The following STK32B variants were observed in gnomAD, a reference collection of about 807,000 sequenced individuals.
STK32B encodes serine/threonine-protein kinase 32B.
STK32B carries 43 observed loss-of-function variants against 52.6 expected under a neutral mutation model. The ratio of observed to expected loss-of-function variants is 0.82; its 90% confidence interval spans 0.64 to 1.05. STK32B has a LOEUF of 1.05. Ranked by LOEUF, STK32B falls within the 50% of genes least tolerant of loss-of-function variation. The pLI, the probability that STK32B is intolerant of heterozygous loss-of-function variation, is 0.00. For synonymous variants in STK32B, 238 were observed against 204.3 expected (o/e 1.17, Z -1.41); for missense variants, 621 against 534.6 (o/e 1.16, Z -1.59).
chr4:5,031,140 C>T, the STK32B span, among the ~76,000 whole-genome samples: 601 of 152,108 alleles, frequency 4.0e-3, 4 homozygotes, highest in African/African-American at 0.011. Context: ...ACTGATTGGA[C>T]GAGGCCCACC....
intron 6 of STK32B, among the ~76,000 whole-genome samples, chr4:5,446,315 C>T (rs962199708): frequency 6.6e-5 from 10 of 152,206 alleles, no homozygotes; most frequent in Middle Eastern, 3.2e-3. Context: ...CCTGTAATCC[C>T]AGCACTTTGG....
intron 6 of STK32B, among the ~76,000 whole-genome samples, chr4:5,427,951 A>G (rs1385609874): frequency 8.6e-5 from 13 of 150,688 alleles, no homozygotes; most frequent in Admixed American, 4.0e-4. Context: ...TTTGAATTTA[A>G]TTTATTCTTC....
chr4:5,308,008 G>T (rs1370840144), intron 3 of STK32B, among the ~76,000 whole-genome samples: 1 of 152,158 alleles, frequency 6.6e-6, no homozygotes, highest in Non-Finnish European at 1.5e-5. Flanking sequence ...GTGGACATGA[G>T]CACCTACTCC....
intron 1 of STK32B, among the ~76,000 whole-genome samples, chr4:5,071,344 A>G (rs1711760252): frequency 6.6e-6 from 1 of 152,194 alleles, no homozygotes; most frequent in African/African-American, 2.4e-5. Flanking sequence ...ATTGATGTAC[A>G]TATGAACACA....
chr4:5,087,216 T>C (rs1159754130), intron 1 of STK32B, among the ~76,000 whole-genome samples: 1 of 152,034 alleles, frequency 6.6e-6, no homozygotes, highest in African/African-American at 2.4e-5. Flanking sequence ...TATTTGAAAT[T>C]AAGTAGTATT....
At chr4:5,168,224 T>C (rs575045011) in intron 2 of STK32B, 75 bp from the exon 3 acceptor site, 1 of 1,536,414 alleles carries the variant, frequency 6.5e-7, no homozygotes, top group Non-Finnish European at 8.8e-7. Flanking sequence ...AAAAATGCAG[T>C]GCGGGGTGAC....
At chr4:5,418,138 T>C (rs908670071) in intron 6 of STK32B, among the ~76,000 whole-genome samples, 7 of 152,248 alleles carry the variant, frequency 4.6e-5, no homozygotes, top group African/African-American at 1.7e-4. Flanking sequence ...TGGGGAACCA[T>C]TAATGAAACA....
chr4:5,381,042 C>T lies in STK32B; in HGVS notation c.435-17165C>T, dbSNP rs146435535. Among the ~76,000 whole-genome samples the T allele has an allele frequency of 8.4e-3, 1,274 of 152,180 alleles. 8 individuals carry two copies. The highest frequency in any genetic ancestry group is 0.014 in the Non-Finnish European group (946 of 68,006). Reference sequence around the variant, plus strand: ...GCTGATCATTTGTTTTCCTCCCATTCCTTGTCTTTCCCTACTGGAATGTAA... The same window carrying T: ...GCTGATCATTTGTTTTCCTCCCATTTCTTGTCTTTCCCTACTGGAATGTAA... On this transcript the variant is annotated intron_variant, in intron 4 of 11. Transcript: ENST00000282908.
chr4:5,460,334 TC>T lies in STK32B; in HGVS notation c.909+108del. 1 of 1,487,186 alleles carries T rather than the reference TC, an allele frequency of 6.7e-7. No homozygotes were observed. The highest frequency in any genetic ancestry group is 9.0e-7 in the Non-Finnish European group (1 of 1,109,978). 92.1% of individuals were successfully genotyped at this position (1,487,186 alleles called of 1,614,324 possible). Reference sequence around the variant, plus strand: ...GCTAGTGAGCCCTCTGCTGGCCACTTCCACCTGAGCACCAAGGGCTTATGTC... The same window carrying T: ...GCTAGTGAGCCCTCTGCTGGCCACTTCACCTGAGCACCAAGGGCTTATGTC... On this transcript the variant is annotated intron_variant, in intron 9 of 11. Coordinates refer to ENST00000282908, the MANE Select transcript of STK32B (RefSeq NM_018401.3). The surrounding 1 kb of genome is among the most constrained non-coding windows in gnomAD (Gnocchi z 4.8).
At chr4:5,447,752 T>C (rs1182496419) in intron 7 of STK32B, among the ~76,000 whole-genome samples, 2 of 152,248 alleles carry the variant, frequency 1.3e-5, no homozygotes, top group African/African-American at 2.4e-5. Flanking sequence ...CTCATTGTTA[T>C]AACGGGGATA....
At chr4:5,474,747 A>G (rs1465433385) in intron 11 of STK32B, among the ~76,000 whole-genome samples, 1 of 152,096 alleles carries the variant, frequency 6.6e-6, no homozygotes, top group African/African-American at 2.4e-5. Context: ...ACCTGCACCC[A>G]TTTTCTCATT....
chr4:5,441,197 T>C (rs1433675682), intron 6 of STK32B, among the ~76,000 whole-genome samples: 1 of 150,996 alleles, frequency 6.6e-6, no homozygotes, highest in Non-Finnish European at 1.5e-5. Context: ...TTCCTCCTTG[T>C]ACCTCTGGTA....
chr4:5,099,439 T>G (rs1713580643), intron 1 of STK32B, among the ~76,000 whole-genome samples: 1 of 74,700 alleles, frequency 1.3e-5, no homozygotes, highest in Non-Finnish European at 2.5e-5. Flanking sequence ...CCTCTGTGTG[T>G]GTGTGTGTGT....
At chr4:5,231,012 C>T (rs536741927) in intron 3 of STK32B, among the ~76,000 whole-genome samples, 1 of 152,288 alleles carries the variant, frequency 6.6e-6, no homozygotes, top group South Asian at 2.1e-4. Flanking sequence ...AAAGTTATAA[C>T]CTGCAGACGT....
intron 4 of STK32B, among the ~76,000 whole-genome samples, chr4:5,371,195 A>G (rs1453771114): frequency 1.3e-5 from 2 of 152,112 alleles, no homozygotes; most frequent in South Asian, 2.1e-4. Flanking sequence ...ATTACAGCCA[A>G]TGAGCAGAAG....
intron 11 of STK32B, among the ~76,000 whole-genome samples, chr4:5,477,626 C>T (rs1015615188): frequency 6.6e-6 from 1 of 152,204 alleles, no homozygotes; most frequent in African/African-American, 2.4e-5. Context: ...TGGAGTGCAG[C>T]TCCTACATCT....
intron 1 of STK32B, among the ~76,000 whole-genome samples, chr4:5,108,665 A>AT (rs1326511834): frequency 2.6e-5 from 4 of 152,172 alleles, no homozygotes; most frequent in Middle Eastern, 3.4e-3. Context: ...ATTTTCTACA[A>AT]TTTTTTTTGT....
chr4:5,055,494 C>T (rs921262202), intron 1 of STK32B, among the ~76,000 whole-genome samples: 6 of 152,152 alleles, frequency 3.9e-5, no homozygotes, highest in Admixed American at 1.3e-4. Context: ...CAGAGTGATC[C>T]TGTTAAAACA....
intron 3 of STK32B, among the ~76,000 whole-genome samples, chr4:5,244,370 G>A (rs1725284293): frequency 6.6e-6 from 1 of 152,176 alleles, no homozygotes; most frequent in Non-Finnish European, 1.5e-5. Flanking sequence ...GTGTAGAGGT[G>A]TTTGTAGTAT....
Sources: gnomAD v4.1 joint callset for allele counts (sites outside exome capture counted in the v4.1 genomes callset) on GRCh38, gnomAD v4.1.1 for gene constraint, Gnocchi (gnomAD v3.1) non-coding constraint, MANE v1.5 for transcripts, NCBI Gene and HGNC (gene_info 2026-07-23, HGNC 2026-07-21) for gene names.